The following NRXN1 variants were observed in gnomAD, a reference collection of about 807,000 sequenced individuals.
The protein encoded by NRXN1 is neurexin-1.
Under a neutral mutation model 150.9 loss-of-function variants are expected in NRXN1, and 39 were observed. The observed-to-expected ratio is 0.26, with a 90% CI of 0.20 to 0.34. The LOEUF (loss-of-function observed/expected upper bound fraction) is 0.34, where lower values mean the gene tolerates loss of function less well. Among genes scored for constraint, NRXN1 ranks in the 10% least tolerant of loss-of-function variants. The pLI, the probability that NRXN1 is intolerant of heterozygous loss-of-function variation, is 1.00. For missense variants in NRXN1, 1,815 were observed against 1,949.9 expected, an observed-to-expected ratio of 0.93 and a Z score of 1.30; for synonymous variants, 924 against 757.0, an observed-to-expected ratio of 1.22 and a Z score of -3.62.
chr2:50,782,801 G>A (rs766927770), intron 5 of NRXN1, among the ~76,000 whole-genome samples: 1 of 152,114 alleles, frequency 6.6e-6, no homozygotes, highest in Non-Finnish European at 1.5e-5. Flanking sequence ...TCCTTTTCCA[G>A]AGATTCTGAA....
intron 5 of NRXN1, among the ~76,000 whole-genome samples, chr2:50,687,656 G>T (rs1246191122): frequency 6.6e-6 from 1 of 152,168 alleles, no homozygotes; most frequent in Non-Finnish European, 1.5e-5. Context: ...TGACTTTAAT[G>T]TGCAGTTTTT....
intron 15 of NRXN1, among the ~76,000 whole-genome samples, chr2:50,473,179 T>C (rs1173173748): frequency 1.3e-5 from 2 of 151,930 alleles, no homozygotes. Context: ...CTTCTTGAGG[T>C]ATTTCTGTTT....
chr2:50,123,913 G>C (rs1261671135), intron 18 of NRXN1, among the ~76,000 whole-genome samples: 1 of 152,046 alleles, frequency 6.6e-6, no homozygotes, highest in Non-Finnish European at 1.5e-5. Flanking sequence ...TATAAAATCA[G>C]GTAATAAAAA....
chr2:50,144,724 G>C (rs1166835333), intron 18 of NRXN1, among the ~76,000 whole-genome samples: 2 of 151,674 alleles, frequency 1.3e-5, no homozygotes, highest in African/African-American at 2.4e-5. Context: ...AAAATTAAAG[G>C]AGAAATATCA....
chr2:50,818,545 C>A (rs1221170740), intron 5 of NRXN1, among the ~76,000 whole-genome samples: 3 of 151,732 alleles, frequency 2.0e-5, no homozygotes, highest in Admixed American at 6.6e-5. Context: ...GATTAAAGAC[C>A]TAAACATAAG....
At chr2:51,016,372 A>G (rs905753223) in intron 2 of NRXN1, among the ~76,000 whole-genome samples, 1 of 152,180 alleles carries the variant, frequency 6.6e-6, no homozygotes, top group Admixed American at 6.5e-5. Flanking sequence ...ACAAAGGGCT[A>G]ATATCCAGAA....
chr2:50,161,612 G>T (rs1443872674), intron 18 of NRXN1, among the ~76,000 whole-genome samples: 1 of 152,106 alleles, frequency 6.6e-6, no homozygotes, highest in Non-Finnish European at 1.5e-5. Flanking sequence ...GGTGAAACTT[G>T]TTGCAATGTT....
intron 22 of NRXN1, among the ~76,000 whole-genome samples, chr2:49,937,399 A>G (rs1035401615): frequency 6.6e-6 from 1 of 152,218 alleles, no homozygotes; most frequent in Non-Finnish European, 1.5e-5. Context: ...AACTTTGTTC[A>G]ATATAATTTT....
intron 18 of NRXN1, among the ~76,000 whole-genome samples, chr2:50,093,571 G>T (rs1193422662): frequency 6.6e-6 from 1 of 152,098 alleles, no homozygotes; most frequent in African/African-American, 2.4e-5. Flanking sequence ...GGAGGCTGAG[G>T]CTGCAGTGAG....
intron 2 of NRXN1, among the ~76,000 whole-genome samples, chr2:51,003,768 A>G (rs1288806393): frequency 6.6e-6 from 1 of 151,976 alleles, no homozygotes; most frequent in African/African-American, 2.4e-5. Context: ...GGGAGGAAGG[A>G]AAAGTTGACT....
chr2:50,319,156 G>C (rs571480310), intron 17 of NRXN1, among the ~76,000 whole-genome samples: 1 of 152,092 alleles, frequency 6.6e-6, no homozygotes, highest in Non-Finnish European at 1.5e-5. Context: ...CATAGTGTCA[G>C]TGGAATAATA....
At chr2:51,014,141 A>C (rs1254682059) in intron 2 of NRXN1, among the ~76,000 whole-genome samples, 3 of 152,094 alleles carry the variant, frequency 2.0e-5, no homozygotes, top group Non-Finnish European at 4.4e-5. Flanking sequence ...CTGAAAGTGC[A>C]GTGATGCTGC....
In NRXN1 at chr2:50,026,656, A is replaced by T. The variant is rs556967644; in HGVS notation, c.4128+26615T>A. Among the ~76,000 whole-genome samples the T allele has an allele frequency of 1.2e-4, 18 of 152,130 alleles. No homozygotes were observed. The East Asian group carries it at 1.4e-3, about 11-fold the overall frequency. ...TAAAATTGCATACTCATAGAATTTT[A>T]AAAAAATTCTATGCCTGAAGTTTTA... On this transcript the variant is annotated intron_variant, in intron 21 of 22. Transcript: ENST00000401669.
At chr2:50,725,637 G>C (rs1156466) in intron 5 of NRXN1, among the ~76,000 whole-genome samples, 4,723 of 152,188 alleles carry the variant, frequency 0.031, 246 homozygotes, top group African/African-American at 0.11. Flanking sequence ...GGTACACATA[G>C]AAAATGCCCT....
At chr2:50,272,880 C>T (rs950095212) in intron 17 of NRXN1, among the ~76,000 whole-genome samples, 1 of 151,666 alleles carries the variant, frequency 6.6e-6, no homozygotes, top group Non-Finnish European at 1.5e-5. Context: ...TAAAAAGAAA[C>T]CCTTAATGAA....
At chr2:50,415,061 A>G (rs1471616588) in intron 17 of NRXN1, among the ~76,000 whole-genome samples, 3 of 152,306 alleles carry the variant, frequency 2.0e-5, no homozygotes, top group African/African-American at 7.2e-5. Flanking sequence ...ATAGTTCTAC[A>G]TGAAGGAGTA....
chr2:50,723,596 G>C (rs904936926), intron 5 of NRXN1, among the ~76,000 whole-genome samples: 2 of 152,202 alleles, frequency 1.3e-5, no homozygotes, highest in African/African-American at 4.8e-5. Context: ...TCAAGAACTG[G>C]AGAAAGATTT....
At chr2:50,008,217 T>G (rs1023886581) in intron 21 of NRXN1, among the ~76,000 whole-genome samples, 1 of 152,110 alleles carries the variant, frequency 6.6e-6, no homozygotes, top group Non-Finnish European at 1.5e-5. Context: ...CTTGGGAGTA[T>G]GATGACATCT....
intron 18 of NRXN1, among the ~76,000 whole-genome samples, chr2:50,192,851 C>CCGCT (rs1322035616): frequency 6.6e-6 from 1 of 152,164 alleles, no homozygotes; most frequent in Non-Finnish European, 1.5e-5. Context: ...CTCAAGTCAT[C>CCGCT]CGCTCCCATC....
Sources: gnomAD v4.1 joint callset for allele counts (sites outside exome capture counted in the v4.1 genomes callset) on GRCh38, gnomAD v4.1.1 for gene constraint, MANE v1.5 for transcripts, NCBI Gene and HGNC (gene_info 2026-07-23, HGNC 2026-07-21) for gene names.